HERC1: variants seen among roughly 807,000 people sequenced by gnomAD.
HERC1 encodes probable E3 ubiquitin-protein ligase HERC1.
Under a neutral mutation model 554.3 loss-of-function variants are expected in HERC1, and 160 were observed. The observed-to-expected ratio is 0.29, with a 90% CI of 0.25 to 0.33. HERC1 has a LOEUF of 0.33. HERC1 is among the 10% of genes least tolerant of loss of function. HERC1 has a pLI of 1.00. For missense variants in HERC1, 4,919 were observed against 5,918.5 expected (o/e 0.83, Z 5.54); for synonymous variants, 2,175 against 2,131.7 (o/e 1.02, Z -0.56).
intron 18 of HERC1, among the ~76,000 whole-genome samples, chr15:63,724,430 G>A (rs191251477): frequency 5.9e-5 from 9 of 152,290 alleles, no homozygotes; most frequent in Admixed American, 5.9e-4. Flanking sequence ...GGAAATGGAG[G>A]AAAATCCTCA....
chr15:63,700,336 T>C (rs2072647775), intron 25 of HERC1, among the ~76,000 whole-genome samples: 1 of 152,096 alleles, frequency 6.6e-6, no homozygotes, highest in South Asian at 2.1e-4. Context: ...GGAAGTATCT[T>C]AAGGTACCCA....
chr15:63,812,410 T>G (rs1329656007), intron 1 of HERC1, among the ~76,000 whole-genome samples: 1 of 152,224 alleles, frequency 6.6e-6, no homozygotes, highest in African/African-American at 2.4e-5. Flanking sequence ...CCAAACTGAT[T>G]TGGAAATGTG....
chr15:63,648,152 C>A lies in HERC1; in HGVS notation c.10795G>T (p.Val3599Leu). The change falls in exon 55 of 78, where the codon GTG becomes TTG. Residue 3599 changes from valine to leucine, a missense_variant. Val to Leu is a conservative substitution (Grantham distance 32). This residue lies in a region of HERC1 where 1,963 missense variants were observed against 2,228.6 expected (regional missense o/e 0.88). Coordinates refer to ENST00000443617, the MANE Select transcript of HERC1 (RefSeq NM_003922.4). ...AWFSEDRPFA[V>L]GYFDGKLLLG... Reference sequence around the variant, plus strand: ...AACAGTTTTCCATCAAAATATCCCACTGCAAATGGTCTGTCTTCACTGAAC... The same window carrying A: ...AACAGTTTTCCATCAAAATATCCCAATGCAAATGGTCTGTCTTCACTGAAC... 1 of 1,598,322 alleles carries A rather than the reference C, an allele frequency of 6.3e-7. No homozygotes were observed. The highest frequency in any genetic ancestry group is 8.5e-7 in the Non-Finnish European group (1 of 1,171,270).
chr15:63,800,382 C>G (rs1946746791), intron 1 of HERC1, among the ~76,000 whole-genome samples: 1 of 152,208 alleles, frequency 6.6e-6, no homozygotes, highest in African/African-American at 2.4e-5. Context: ...CTGGAAGGCA[C>G]TATGCTCCTT....
chr15:63,807,578 A>C (rs1407543745), intron 1 of HERC1, among the ~76,000 whole-genome samples: 1 of 152,138 alleles, frequency 6.6e-6, no homozygotes, highest in Non-Finnish European at 1.5e-5. Context: ...AAAACTCTAC[A>C]ACTAGTCCAT....
intron 17 of HERC1, among the ~76,000 whole-genome samples, chr15:63,726,831 G>C (rs2074062321): frequency 6.6e-6 from 1 of 152,094 alleles, no homozygotes; most frequent in South Asian, 2.1e-4. Context: ...CATGTTATGA[G>C]ATTAGTATAA....
intron 2 of HERC1, among the ~76,000 whole-genome samples, chr15:63,768,007 AC>A (rs2075836479): frequency 6.6e-6 from 1 of 151,614 alleles, no homozygotes; most frequent in Non-Finnish European, 1.5e-5. Flanking sequence ...TTATCGCCCC[AC>A]CCCATTAATA....
At chr15:63,720,995 C>A (rs1363901421) in intron 19 of HERC1, among the ~76,000 whole-genome samples, 2 of 152,014 alleles carry the variant, frequency 1.3e-5, no homozygotes, top group Non-Finnish European at 2.9e-5. Context: ...AGCAATACAA[C>A]AAACAGACCC....
chr15:63,678,485 A>G lies in HERC1; in HGVS notation c.6550-120T>C, dbSNP rs528224276. ...TATTTGGGTCTCTTCATACATGTGA[A>G]TTATACCAACTGGCCCCCAAAGAGT... On this transcript the variant is annotated intron_variant, in intron 36 of 77. Transcript: ENST00000443617. 54 of 1,179,224 alleles carry G rather than the reference A, an allele frequency of 4.6e-5. No individual in the cohort carries two copies. In the African/African-American group the frequency reaches 7.6e-4, roughly 17 times the overall value. 73.0% of individuals were successfully genotyped at this position (1,179,224 alleles called of 1,614,324 possible).
intron 33 of HERC1, among the ~76,000 whole-genome samples, chr15:63,688,420 G>A (rs1359688757): frequency 6.6e-6 from 1 of 152,112 alleles, no homozygotes; most frequent in East Asian, 1.9e-4. Context: ...GATAAGACTA[G>A]TAGAAGATGG....
At chr15:63,633,800 G>T in intron 67 of HERC1, 48 bp downstream of exon 67, 1 of 1,578,514 alleles carries the variant, frequency 6.3e-7, no homozygotes, top group Non-Finnish European at 8.6e-7. Flanking sequence ...TGACATAGAT[G>T]AAAACTATTT....
intron 27 of HERC1, among the ~76,000 whole-genome samples, chr15:63,695,233 C>A (rs1041097368): frequency 6.6e-6 from 1 of 151,972 alleles, no homozygotes; most frequent in Non-Finnish European, 1.5e-5. Context: ...GACAGGGTTT[C>A]GCCATATTGT....
At chr15:63,816,179 T>C (rs1345044038) in intron 1 of HERC1, among the ~76,000 whole-genome samples, 1 of 152,204 alleles carries the variant, frequency 6.6e-6, no homozygotes, top group African/African-American at 2.4e-5. Context: ...AGAGATCAAA[T>C]AAATTTGGAA....
At chr15:63,818,731 G>A (rs2077580799) in intron 1 of HERC1, among the ~76,000 whole-genome samples, 1 of 152,152 alleles carries the variant, frequency 6.6e-6, no homozygotes, top group Admixed American at 6.5e-5. Context: ...CAAGAGAAAT[G>A]GGACATACTA....
At position 63,775,156 on chromosome 15, in the gene HERC1, T is replaced by C. The variant is rs1326341770; in HGVS notation, c.468A>G (p.Ala156=). ...VSERPRSSTD[A]LIEMGVRTGL... is the part of the protein sequence containing the mutation. ...CAGTTCGAACACCCATTTCTATAAG[T>C]GCATCAGTGCTTGACCGGGGGCGTT... is the stretch of plus-strand genomic sequence containing the variant. The change falls in exon 2 of 78, where the codon GCA becomes GCG. Residue 156 remains alanine (A), a synonymous_variant. Transcript: ENST00000443617. This position sits in a 1 kb window ranked among gnomAD's most constrained non-coding sequence, Gnocchi z 4.0. 3.1e-6 allele frequency: 5 copies of C among 1,613,898 alleles called. No homozygotes were observed. Among genetic ancestry groups the C allele is most frequent in the South Asian group, 1.1e-5 (1 of 91,086 alleles).
chr15:63,621,670 T>C (rs926655019), intron 74 of HERC1, among the ~76,000 whole-genome samples: 33 of 152,244 alleles, frequency 2.2e-4, no homozygotes, highest in Admixed American at 4.6e-4. Flanking sequence ...CCCATATTTC[T>C]TGGAGGCTTT....
chr15:63,757,212 T>C (rs1178424627), intron 4 of HERC1, among the ~76,000 whole-genome samples: 5 of 147,872 alleles, frequency 3.4e-5, no homozygotes, highest in Non-Finnish European at 7.5e-5. Flanking sequence ...AAAGTGATCA[T>C]AAGAAAATGA....
Position 63,680,214 on chromosome 15 carries a change from T to G in HERC1, c.6466-54A>C. On this transcript the variant is annotated intron_variant, in intron 35 of 77. Transcript: ENST00000443617. The surrounding 1 kb of genome is among the most constrained non-coding windows in gnomAD (Gnocchi z 5.8). ...AAAAGGAAATAGAAATTTTTTTAAT[T>G]CACAATATCTAACCACATTAGAATT... is the stretch of plus-strand genomic sequence containing the variant. 1 of 1,315,358 alleles carries G rather than the reference T, an allele frequency of 7.6e-7. No individual in the cohort carries two copies. The highest frequency in any genetic ancestry group is 1.1e-6 in the Non-Finnish European group (1 of 919,474). The allele number at this position is 1,315,358 out of a possible 1,614,324, so 81.5% of individuals were successfully genotyped here. A position where few individuals can be genotyped will look rare whatever the true frequency, so the allele number is the denominator to read the frequency against.
Position 63,630,275 on chromosome 15 carries a change from T to C in HERC1, c.12966+191A>G, listed in dbSNP as rs11071759. ...ACCAGAATTGTTTTAAACCATGGTATAATACTTCTTTGGCCGCAGTCGAGA... is the reference window on the plus strand; with the variant it reads ...ACCAGAATTGTTTTAAACCATGGTACAATACTTCTTTGGCCGCAGTCGAGA... On this transcript the variant is annotated intron_variant, in intron 69 of 77. Coordinates refer to ENST00000443617, the MANE Select transcript of HERC1 (RefSeq NM_003922.4). 0.54 allele frequency among the ~76,000 whole-genome samples: 81,846 copies of C among 152,008 alleles called. 23,051 individuals carry two copies. Among genetic ancestry groups the C allele is most frequent in the Non-Finnish European group, 0.59 (40,091 of 67,968 alleles).
Sources: allele counts gnomAD v4.1 joint callset (sites outside exome capture counted in the v4.1 genomes callset), GRCh38; gene constraint gnomAD v4.1.1; regional missense constraint gnomAD v4.1.1; non-coding constraint Gnocchi (gnomAD v3.1); transcripts MANE v1.5; gene names NCBI Gene and HGNC (gene_info 2026-07-23, HGNC 2026-07-21).